CALD1: variants seen among roughly 807,000 people sequenced by gnomAD.
CALD1 encodes caldesmon 1.
Under a neutral mutation model 99.9 loss-of-function variants are expected in CALD1, and 33 were observed. The ratio of observed to expected loss-of-function variants is 0.33; its 90% CI spans 0.25 to 0.44. The LOEUF (loss-of-function observed/expected upper bound fraction) is 0.44, where lower values mean the gene tolerates loss of function less well. Among genes scored for constraint, CALD1 ranks in the 20% least tolerant of loss-of-function variants. The probability of loss-of-function intolerance (pLI) is 1.00; values close to 1 mark genes in which losing one functional copy is unlikely to be tolerated. For synonymous variants in CALD1, 310 were observed against 325.0 expected (o/e 0.95, Z 0.50); for missense variants, 861 against 962.1 (o/e 0.89, Z 1.39).
At chr7:134,813,320 CT>C (rs869120724) in intron 1 of CALD1, among the ~76,000 whole-genome samples, 1 of 102,496 alleles carries the variant, frequency 9.8e-6, no homozygotes, top group Non-Finnish European at 2.2e-5. Context: ...ATGAAGATTT[CT>C]TTTTTTCTTT....
At chr7:134,888,191 G>A (rs969289869) in intron 3 of CALD1, among the ~76,000 whole-genome samples, 5 of 152,164 alleles carry the variant, frequency 3.3e-5, no homozygotes, top group Admixed American at 3.3e-4. Context: ...ACAATAAAGT[G>A]TCCAGAAACA....
chr7:134,723,245 C>A, the CALD1 span, among the ~76,000 whole-genome samples: 1 of 152,184 alleles, frequency 6.6e-6, no homozygotes, highest in African/African-American at 2.4e-5. Flanking sequence ...ATGTAAAGGG[C>A]ATTTAGGGTA....
In CALD1 at chr7:134,921,364, A is replaced by G. The variant is rs140978263; in HGVS notation, c.72-7390A>G. On this transcript the variant is annotated intron_variant, in intron 3 of 14. Coordinates refer to ENST00000361675, the MANE Select transcript of CALD1 (RefSeq NM_033138.4). ...CTTAATTTTTTCATAATGTTTTAAAAGGATCCTCATTCTTAAGATGTTAGA... is the reference window on the plus strand; with the variant it reads ...CTTAATTTTTTCATAATGTTTTAAAGGGATCCTCATTCTTAAGATGTTAGA... 2.8e-3 allele frequency among the ~76,000 whole-genome samples: 434 copies of G among 152,372 alleles called. 3 individuals are homozygous for G. The highest frequency in any genetic ancestry group is 4.3e-3 in the Non-Finnish European group (290 of 68,038).
intron 1 of CALD1, among the ~76,000 whole-genome samples, chr7:134,814,343 T>C (rs1163356079): frequency 6.6e-6 from 1 of 152,094 alleles, no homozygotes; most frequent in African/African-American, 2.4e-5. Context: ...GGGAAAGACA[T>C]TGGGTCAGAG....
At chr7:134,960,673 T>G (rs1366496830) in intron 13 of CALD1, 45 bp downstream of exon 13, 1 of 1,214,826 alleles carries the variant, frequency 8.2e-7, no homozygotes, top group East Asian at 2.3e-5. Flanking sequence ...TCTCCCAGCT[T>G]CTACCAGCAG....
intron 1 of CALD1, among the ~76,000 whole-genome samples, chr7:134,843,539 TC>T (rs1799734155): frequency 6.6e-6 from 1 of 152,232 alleles, no homozygotes; most frequent in Non-Finnish European, 1.5e-5. Flanking sequence ...AACATTTTCT[TC>T]CTTCAGTTTC....
intron 3 of CALD1, among the ~76,000 whole-genome samples, chr7:134,918,268 T>C (rs1265506622): frequency 2.6e-5 from 4 of 152,228 alleles, no homozygotes; most frequent in Non-Finnish European, 5.9e-5. Flanking sequence ...CTGGATGTTT[T>C]AAAAGAAAAT....
At chr7:134,742,180 G>A (rs1412788517), upstream of CALD1, among the ~76,000 whole-genome samples, 1 of 151,548 alleles carries the variant, frequency 6.6e-6, no homozygotes, top group Admixed American at 6.5e-5. Flanking sequence ...AAGGGCTTAA[G>A]TGTTATCCAA....
intron 12 of CALD1, chr7:134,960,326 C>A: frequency 1.5e-6 from 1 of 665,414 alleles, no homozygotes; most frequent in Non-Finnish European, 2.6e-6. Flanking sequence ...AAATAAAGTG[C>A]CTGGGCTGAA....
At chr7:134,932,921 G>A in intron 4 of CALD1, 67 bp from the exon 5 acceptor site, 1 of 1,093,388 alleles carries the variant, frequency 9.1e-7, no homozygotes, top group Non-Finnish European at 1.3e-6. Context: ...GGTAGCACAG[G>A]CTGTATGAAT....
intron 14 of CALD1, 44 bp from the exon 15 acceptor site, chr7:134,968,296 T>C: frequency 6.2e-7 from 1 of 1,605,230 alleles, no homozygotes; most frequent in East Asian, 2.2e-5. Flanking sequence ...GGCTGTCAGT[T>C]TCACACTACA....
intron 1 of CALD1, among the ~76,000 whole-genome samples, chr7:134,762,879 A>G (rs17133290): frequency 0.18 from 27,071 of 152,142 alleles, 2,538 homozygotes; most frequent in African/African-American, 0.2. Flanking sequence ...TGAAAGTAAG[A>G]AGAATCCCAC....
intron 1 of CALD1, among the ~76,000 whole-genome samples, chr7:134,836,896 G>T (rs538567927): frequency 6.6e-6 from 1 of 152,218 alleles, no homozygotes; most frequent in Admixed American, 6.5e-5. Context: ...AAACATCTTG[G>T]ATGATGCAAA....
intron 1 of CALD1, among the ~76,000 whole-genome samples, 184 bp from the exon 2 acceptor site, chr7:134,843,700 T>C (rs1188764909): frequency 2.0e-5 from 3 of 152,244 alleles, no homozygotes; most frequent in Admixed American, 2.0e-4. Context: ...GGATGGACTT[T>C]GCGATAACTG....
rs193065163 is a variant in CALD1 at position 134,888,032 on chromosome 7, C to T, written c.71+20228C>T. ...AAAGTCTGGAACAGATCTTGTGGTC[C>T]GGTCTCCCACCTCCATGAAGTAAAG... On this transcript the variant is annotated intron_variant, in intron 3 of 14. Transcript: ENST00000361675. Among the ~76,000 whole-genome samples the T allele has an allele frequency of 3.6e-4, 55 of 152,266 alleles. No homozygotes were observed. In the East Asian group the frequency reaches 5.6e-3, roughly 15 times the overall value.
At chr7:134,733,345 G>A in the CALD1 span, among the ~76,000 whole-genome samples, 1 of 152,158 alleles carries the variant, frequency 6.6e-6, no homozygotes, top group Non-Finnish European at 1.5e-5. Context: ...TGAGTTACGG[G>A]TGGCACAAGA....
intron 3 of CALD1, among the ~76,000 whole-genome samples, chr7:134,927,551 CAAAAA>C (rs58182455): frequency 9.9e-5 from 4 of 40,382 alleles, no homozygotes; most frequent in African/African-American, 3.3e-4. Flanking sequence ...GACTGTGTCT[CAAAAA>C]AAAAAAAAAA....
At chr7:134,807,907 C>A (rs1215936315) in intron 1 of CALD1, among the ~76,000 whole-genome samples, 1 of 152,014 alleles carries the variant, frequency 6.6e-6, no homozygotes, top group African/African-American at 2.4e-5. Context: ...GGATTACAAG[C>A]GTAAGCCACC....
At chr7:134,964,032 A>C (rs1808479225) in intron 13 of CALD1, among the ~76,000 whole-genome samples, 1 of 152,138 alleles carries the variant, frequency 6.6e-6, no homozygotes, top group African/African-American at 2.4e-5. Flanking sequence ...CCCCATCTCT[A>C]CTAAAAATAC....
Sources: allele counts gnomAD v4.1 joint callset (sites outside exome capture counted in the v4.1 genomes callset), GRCh38; gene constraint gnomAD v4.1.1; transcripts MANE v1.5; gene names NCBI Gene and HGNC (gene_info 2026-07-23, HGNC 2026-07-21).